Variants in HFM1 observed in about 807,000 individuals in gnomAD.
The protein encoded by HFM1 is helicase for meiosis 1.
Under a neutral mutation model 192.1 loss-of-function variants are expected in HFM1, and 169 were observed. That is an observed-to-expected ratio of 0.88 (90% CI 0.78 to 1.00). HFM1 has a LOEUF of 1.00. Among genes scored for constraint, HFM1 ranks in the 50% least tolerant of loss-of-function variants. The pLI is 0.00. For missense variants in HFM1, 1,661 were observed against 1,668.0 expected, an observed-to-expected ratio of 1.00 and a Z score of 0.07; for synonymous variants, 525 against 537.8, an observed-to-expected ratio of 0.98 and a Z score of 0.33.
At chr1:91,364,632 A>ATATTTTTTTTTTT (rs753472335) in intron 13 of HFM1, among the ~76,000 whole-genome samples, 26 of 66,784 alleles carry the variant, frequency 3.9e-4, no homozygotes, top group East Asian at 1.5e-3. Flanking sequence ...ATATATATAT[A>ATATTTTTTTTTTT]TTTTTTTTTT....
intron 15 of HFM1, 41 bp from the exon 16 acceptor site, chr1:91,352,692 T>C: frequency 6.8e-7 from 1 of 1,474,096 alleles, no homozygotes; most frequent in Non-Finnish European, 9.1e-7. Flanking sequence ...GCCATTTAAC[T>C]TTGTTGCTTC....
intron 13 of HFM1, among the ~76,000 whole-genome samples, chr1:91,364,900 T>A (rs957106613): frequency 2.0e-5 from 3 of 151,848 alleles, no homozygotes; most frequent in Non-Finnish European, 1.5e-5. Context: ...CCCAAAGTGC[T>A]GGGACTACAG....
At chr1:91,379,299 A>G (rs1661275372) in intron 8 of HFM1, 85 bp from the exon 9 acceptor site, 2 of 991,574 alleles carry the variant, frequency 2.0e-6, no homozygotes, top group African/African-American at 3.3e-5. Context: ...AGTTAGCATA[A>G]AAAATACACA....
Position 91,266,077 on chromosome 1 carries a change from CT to C in HFM1, c.3913del (p.Arg1305GlyfsTer46). 1 of 1,586,482 alleles carries C rather than the reference CT, an allele frequency of 6.3e-7. No homozygotes were observed. Among genetic ancestry groups the C allele is most frequent in the Non-Finnish European group, 8.5e-7 (1 of 1,172,452 alleles). ...CTCTTGAAGGGGTAGCTTACTTCCC[CT>C]GGTACTTGAACTCAAAGTGTTTCCA... ...GFGNTLSSST[R>X]GSKLPLQESK... On this transcript the variant is annotated frameshift_variant, in exon 36 of 39. Transcript: ENST00000370425. LOFTEE classifies it high-confidence loss of function.
At chr1:91,348,013 G>T (rs537582571) in intron 18 of HFM1, among the ~76,000 whole-genome samples, 17 of 152,256 alleles carry the variant, frequency 1.1e-4, no homozygotes, top group Non-Finnish European at 2.1e-4. Flanking sequence ...CCTATGGTAT[G>T]TAAGTCAGAA....
chr1:91,302,189 T>G (rs574529857), intron 30 of HFM1, among the ~76,000 whole-genome samples: 1 of 151,492 alleles, frequency 6.6e-6, no homozygotes, highest in African/African-American at 2.4e-5. Flanking sequence ...AAAATGCTCA[T>G]CATGATTGGC....
chr1:91,280,609 A>C (rs888138277), intron 30 of HFM1, among the ~76,000 whole-genome samples: 2 of 152,254 alleles, frequency 1.3e-5, no homozygotes, highest in Non-Finnish European at 2.9e-5. Flanking sequence ...ATCTTGCAGA[A>C]GACTTGCCAT....
At chr1:91,274,697 A>G (rs1467316719) in intron 33 of HFM1, 33 bp downstream of exon 33, 4 of 1,088,710 alleles carry the variant, frequency 3.7e-6, no homozygotes, top group Non-Finnish European at 5.5e-6. Context: ...TACGATAAAT[A>G]TTTTACCTTA....
chr1:91,281,830 A>C (rs1213968944), intron 30 of HFM1, among the ~76,000 whole-genome samples: 1 of 152,012 alleles, frequency 6.6e-6, no homozygotes, highest in Non-Finnish European at 1.5e-5. Flanking sequence ...GGGCGCACGC[A>C]CTCCTGCCTT....
intron 13 of HFM1, among the ~76,000 whole-genome samples, chr1:91,368,004 G>A (rs1185115068): frequency 3.3e-5 from 5 of 152,262 alleles, no homozygotes; most frequent in African/African-American, 9.6e-5. Context: ...GGGTATCAGG[G>A]ATGGAAGATC....
At chr1:91,306,086 C>T (rs2101075230) in intron 30 of HFM1, among the ~76,000 whole-genome samples, 1 of 152,128 alleles carries the variant, frequency 6.6e-6, no homozygotes, top group South Asian at 2.1e-4. Flanking sequence ...GTAATCCCAG[C>T]ACTTTGGGAG....
chr1:91,267,863 T>C lies in HFM1; in HGVS notation c.3773-8A>G, dbSNP rs773168261. 1 of 1,439,740 alleles carries C rather than the reference T, an allele frequency of 6.9e-7. No individual in the cohort carries two copies. Among genetic ancestry groups the C allele is most frequent in the Non-Finnish European group, 9.6e-7 (1 of 1,041,358 alleles). The allele number at this position is 1,439,740 out of a possible 1,614,324, so 89.2% of individuals were successfully genotyped here. On this transcript the variant is annotated splice_polypyrimidine_tract_variant and splice_region_variant and intron_variant, in intron 34 of 38. Coordinates refer to ENST00000370425, the MANE Select transcript of HFM1 (RefSeq NM_001017975.6). ...AGTTCACATTCAAAACTTCTGAAAA[T>C]AGAGAATTGCTTTTATCTGCATCTG...
At chr1:91,400,491 T>C (rs959920415) in intron 2 of HFM1, among the ~76,000 whole-genome samples, 5 of 152,122 alleles carry the variant, frequency 3.3e-5, no homozygotes, top group Non-Finnish European at 5.9e-5. Context: ...TTTTTTTTTT[T>C]TTTTTCTTTT....
At chr1:91,276,519 C>G in intron 32 of HFM1, 109 bp downstream of exon 32, 1 of 454,882 alleles carries the variant, frequency 2.2e-6, no homozygotes, top group Non-Finnish European at 4.0e-6. Flanking sequence ...TTAGTCAAGC[C>G]CACAAGTAAT....
upstream of HFM1, among the ~76,000 whole-genome samples, chr1:91,406,426 A>C (rs1391573061): frequency 1.3e-5 from 2 of 152,162 alleles, no homozygotes; most frequent in African/African-American, 4.8e-5. Flanking sequence ...TCATTCACTC[A>C]CTCATTTATT....
At chr1:91,291,878 G>C (rs1163972717) in intron 30 of HFM1, among the ~76,000 whole-genome samples, 1 of 152,038 alleles carries the variant, frequency 6.6e-6, no homozygotes, top group Admixed American at 6.6e-5. Context: ...TTCATCCCTG[G>C]GATGCAAGGC....
chr1:91,381,027 T>A, intron 6 of HFM1, 45 bp from the exon 7 acceptor site: 1 of 702,404 alleles, frequency 1.4e-6, no homozygotes, highest in Non-Finnish European at 2.3e-6. Flanking sequence ...ATTTAAAAAA[T>A]TAGTTACTTT....
intron 1 of HFM1, among the ~76,000 whole-genome samples, chr1:91,403,630 C>A (rs1304620377): frequency 1.3e-5 from 2 of 152,076 alleles, no homozygotes; most frequent in East Asian, 1.9e-4. Context: ...AGTTTCAGCA[C>A]GTGGCACAAA....
chr1:91,323,978 C>T (rs1046012274), intron 21 of HFM1, among the ~76,000 whole-genome samples: 16 of 152,046 alleles, frequency 1.1e-4, no homozygotes, highest in Admixed American at 3.9e-4. Context: ...TAAAAATGAA[C>T]GGCTTAAATT....
Sources: allele counts gnomAD v4.1 joint callset (sites outside exome capture counted in the v4.1 genomes callset), GRCh38; gene constraint gnomAD v4.1.1; transcripts MANE v1.5; gene names NCBI Gene and HGNC (gene_info 2026-07-23, HGNC 2026-07-21).